The following PEX5 variants were observed in gnomAD, a reference collection of about 807,000 sequenced individuals.
The protein encoded by PEX5 is PTS1 receptor.
A neutral mutation model predicts 82.9 loss-of-function variants in PEX5; 52 were observed. That is an observed-to-expected ratio of 0.63 (90% CI 0.50 to 0.79). PEX5 has a LOEUF of 0.79. Ranked by LOEUF, PEX5 falls within the 30% of genes least tolerant of loss-of-function variation. PEX5 has a pLI of 0.00. For missense variants in PEX5, 719 were observed against 815.2 expected (o/e 0.88, Z 1.44); for synonymous variants, 300 against 318.8 (o/e 0.94, Z 0.63).
chr12:7,198,993 C>T lies in PEX5; in HGVS notation c.449-18C>T. 6.9e-7 allele frequency: 1 copy of T among 1,451,400 alleles called. No homozygotes were observed. 89.9% of individuals were successfully genotyped at this position (1,451,400 alleles called of 1,614,324 possible). Reference sequence around the variant, plus strand: ...TGAATGAACCTGTGTGATTTCCCCACTTCTCTGCTCCTTGCAGACCCCTTG... The same window carrying T: ...TGAATGAACCTGTGTGATTTCCCCATTTCTCTGCTCCTTGCAGACCCCTTG... On this transcript the variant is annotated intron_variant, in intron 5 of 15. Coordinates refer to ENST00000675855, the MANE Select transcript of PEX5 (RefSeq NM_001351132.2).
chr12:7,201,216 T>C (rs1368715785), intron 6 of PEX5, among the ~76,000 whole-genome samples: 1 of 150,450 alleles, frequency 6.6e-6, no homozygotes, highest in Non-Finnish European at 1.5e-5. Context: ...TGCACATACA[T>C]GTATATACAC....
intron 1 of PEX5, chr12:7,190,132 C>G: frequency 6.7e-7 from 1 of 1,485,260 alleles, no homozygotes. Flanking sequence ...TCGCGGAGGC[C>G]TCTGCAGAGG....
Position 7,208,638 on chromosome 12 carries a change from A to G in PEX5, c.1363A>G (p.Ser455Gly). The change falls in exon 13 of 16, where the codon AGC (serine) becomes GGC (glycine). Residue 455 changes from serine to glycine, a missense_variant. Ser to Gly is a moderately conservative substitution (Grantham distance 56). Transcript: ENST00000675855. ...GGCTGGTGGGGCAGGACTGGGCCCC[A>G]GCAAGCGTATCCTGGGATCTCTCTT... is the stretch of plus-strand genomic sequence containing the variant. Reference protein sequence around the residue: ...EGAGGAGLGPSKRILGSLLSD... With the variant: ...EGAGGAGLGPGKRILGSLLSD... 1 of 1,614,002 alleles carries G rather than the reference A, an allele frequency of 6.2e-7. No homozygotes were observed. Among genetic ancestry groups the G allele is most frequent in the Non-Finnish European group, 8.5e-7 (1 of 1,179,952 alleles).
chr12:7,200,444 G>A (rs1476180014), intron 6 of PEX5, among the ~76,000 whole-genome samples: 1 of 151,280 alleles, frequency 6.6e-6, no homozygotes, highest in Non-Finnish European at 1.5e-5. Context: ...CATCCCAGAC[G>A]ATGGGCGGCC....
At chr12:7,196,951 TTATATGTCACATATAATGTAATAATTA>T (rs1555175568) in intron 5 of PEX5, among the ~76,000 whole-genome samples, 5 of 9,274 alleles carry the variant, frequency 5.4e-4, no homozygotes, top group African/African-American at 1.2e-3. Context: ...AATGTAATAA[TTATATGTCACATATAATGTAATAATTA>T]TATATGTCAC....
intron 5 of PEX5, among the ~76,000 whole-genome samples, chr12:7,195,165 T>A (rs1456940466): frequency 6.6e-6 from 1 of 152,202 alleles, no homozygotes; most frequent in Non-Finnish European, 1.5e-5. Context: ...TTTTGACTTT[T>A]GAGCTTGGGG....
intron 13 of PEX5, 49 bp downstream of exon 13, chr12:7,208,718 C>T (rs1406980431): frequency 2.7e-6 from 4 of 1,488,242 alleles, no homozygotes; most frequent in Admixed American, 1.7e-5. Flanking sequence ...ACCTAAGTCC[C>T]AGTAGGAGGG....
chr12:7,197,314 C>CATGTCATATACAATGTAATAATTAT lies in PEX5; in HGVS notation c.449-1695_449-1694insGTCATATACAATGTAATAATTATAT, dbSNP rs1565688026. Among the ~76,000 whole-genome samples, 8 of 36,408 alleles carry CATGTCATATACAATGTAATAATTAT rather than the reference C, an allele frequency of 2.2e-4. 1 individual carries two copies. Among genetic ancestry groups the CATGTCATATACAATGTAATAATTAT allele is most frequent in the African/African-American group, 8.1e-4 (8 of 9,876 alleles). The allele number at this position is 36,408 out of a possible 152,430, so 23.9% of individuals were successfully genotyped here. ...TTATATATGTCATATATAATGTAAT[C>CATGTCATATACAATGTAATAATTAT]ATATGTCATATACAATGTAATAATT... is the stretch of plus-strand genomic sequence containing the variant. On this transcript the variant is annotated intron_variant, in intron 5 of 15. Transcript: ENST00000675855.
chr12:7,216,516 T>C (rs1035890087), intron 17 of PEX5, among the ~76,000 whole-genome samples: 3 of 152,232 alleles, frequency 2.0e-5, no homozygotes, highest in Non-Finnish European at 4.4e-5. Context: ...AGTTCACAAA[T>C]TGATTTACTT....
chr12:7,198,992 A>C lies in PEX5; in HGVS notation c.449-19A>C. ...CTGAATGAACCTGTGTGATTTCCCC[A>C]CTTCTCTGCTCCTTGCAGACCCCTT... On this transcript the variant is annotated intron_variant, in intron 5 of 15. Transcript: ENST00000675855. The C allele has an allele frequency of 7.0e-7, 1 of 1,426,966 alleles. No individual in the cohort carries two copies. The highest frequency in any genetic ancestry group is 9.8e-7 in the Non-Finnish European group (1 of 1,018,284). The allele number at this position is 1,426,966 out of a possible 1,614,324, so 88.4% of individuals were successfully genotyped here. A position where few individuals can be genotyped will look rare whatever the true frequency, so the allele number is the denominator to read the frequency against.
At chr12:7,215,747 G>A (rs182912337), downstream of PEX5, among the ~76,000 whole-genome samples, 7 of 152,204 alleles carry the variant, frequency 4.6e-5, no homozygotes, top group East Asian at 1.4e-3. Context: ...CCAGAGAGGT[G>A]GAGGGGGATG....
At position 7,203,560 on chromosome 12, in the gene PEX5, A is replaced by G. The variant is rs1389020583; in HGVS notation, c.966+9A>G. ...CAGCTACCTATGATAAGGTGAGGTAAAAACTCTTAGTTTTTCAGGTTCCAG... is the reference window on the plus strand; with the variant it reads ...CAGCTACCTATGATAAGGTGAGGTAGAAACTCTTAGTTTTTCAGGTTCCAG... On this transcript the variant is annotated intron_variant, in intron 10 of 15. Transcript: ENST00000675855. 3 of 1,612,770 alleles carry G rather than the reference A, an allele frequency of 1.9e-6. No homozygotes were observed. Among genetic ancestry groups the G allele is most frequent in the Non-Finnish European group, 2.5e-6 (3 of 1,179,570 alleles).
intron 17 of PEX5, among the ~76,000 whole-genome samples, chr12:7,217,703 T>C (rs760412789): frequency 2.0e-5 from 3 of 152,362 alleles, no homozygotes; most frequent in African/African-American, 4.8e-5. Context: ...CCTGTCCCTG[T>C]GGAGAATGAC....
chr12:7,189,691 C>A lies in PEX5; in HGVS notation c.-76C>A. On this transcript the variant is annotated 5_prime_UTR_variant, in exon 1 of 16. Coordinates refer to ENST00000675855, the MANE Select transcript of PEX5 (RefSeq NM_001351132.2). ...GCCCCCTGGCTCCCCGCCCCCTCTT[C>A]TCCCCTCCCCCAAGCCAGCACCTGG... is the stretch of plus-strand genomic sequence containing the variant. 1 of 358,608 alleles carries A rather than the reference C, an allele frequency of 2.8e-6. No individual in the cohort carries two copies. The allele number at this position is 358,608 out of a possible 1,614,324, so 22.2% of individuals were successfully genotyped here. A position where few individuals can be genotyped will look rare whatever the true frequency, so the allele number is the denominator to read the frequency against.
chr12:7,208,396 G>T (rs1004710511), intron 12 of PEX5, 61 bp from the exon 13 acceptor site: 1 of 1,239,230 alleles, frequency 8.1e-7, no homozygotes, highest in African/African-American at 1.5e-5. Flanking sequence ...ATCCCAGGGT[G>T]CTCACATGTG....
chr12:7,196,356 TTATA>T (rs980691722), intron 5 of PEX5, among the ~76,000 whole-genome samples: 12 of 137,450 alleles, frequency 8.7e-5, no homozygotes, highest in Non-Finnish European at 1.2e-4. Context: ...TATAATTTAA[TTATA>T]TATGACATAT....
chr12:7,201,764 C>T lies in PEX5; in HGVS notation c.565C>T (p.His189Tyr), dbSNP rs1382633525. The change falls in exon 7 of 16, where the codon CAT becomes TAT. Residue 189 changes from histidine to tyrosine, a missense_variant. Coordinates refer to ENST00000675855, the MANE Select transcript of PEX5 (RefSeq NM_001351132.2). ...TATDRWYDEY[H>Y]PEEDLQHTAS... ...TACCCGTTCCAGGTATGATGAATAT[C>T]ATCCTGAGGAGGATCTGCAGCACAC... 4 of 1,613,004 alleles carry T rather than the reference C, an allele frequency of 2.5e-6. No homozygotes were observed. The highest frequency in any genetic ancestry group is 1.1e-5 in the South Asian group (1 of 91,058).
At chr12:7,200,015 GCGGGGGGC>G (rs1943525563) in intron 6 of PEX5, among the ~76,000 whole-genome samples, 2 of 74,724 alleles carry the variant, frequency 2.7e-5, no homozygotes, top group Non-Finnish European at 7.0e-5. Flanking sequence ...GGCTGGCCAG[GCGGGGGGC>G]TGACCCGCAC....
chr12:7,201,713 G>A, intron 6 of PEX5, 38 bp from the exon 7 acceptor site: 2 of 1,408,176 alleles, frequency 1.4e-6, no homozygotes, highest in Non-Finnish European at 1.0e-6. Context: ...GAGGGTGATG[G>A]CAGACTAATG....
Sources: allele counts gnomAD v4.1 joint callset (sites outside exome capture counted in the v4.1 genomes callset), GRCh38; gene constraint gnomAD v4.1.1; transcripts MANE v1.5; gene names NCBI Gene and HGNC (gene_info 2026-07-23, HGNC 2026-07-21).